Variants in RPIA observed in about 807,000 individuals in gnomAD.
RPIA encodes the protein ribose-5-phosphate isomerase.
In RPIA, 29 loss-of-function variants were observed where a neutral mutation model predicts 37.8. The observed-to-expected ratio is 0.77, with a 90% confidence interval of 0.57 to 1.05. The LOEUF is 1.05. RPIA is among the 50% of genes least tolerant of loss of function. RPIA has a pLI of 0.00. For synonymous variants in RPIA, 167 were observed against 157.0 expected (o/e 1.06, Z -0.48); for missense variants, 385 against 413.6 (o/e 0.93, Z 0.60).
intron 6 of RPIA, among the ~76,000 whole-genome samples, chr2:88,736,114 C>T (rs1673312052): frequency 6.6e-6 from 1 of 152,204 alleles, no homozygotes; most frequent in Non-Finnish European, 1.5e-5. Flanking sequence ...TCAGCATACC[C>T]TGCTTCTTCT....
At chr2:88,732,904 A>G (rs1673263969) in intron 4 of RPIA, among the ~76,000 whole-genome samples, 1 of 152,194 alleles carries the variant, frequency 6.6e-6, no homozygotes, top group South Asian at 2.1e-4. Flanking sequence ...CTTTTGTGCT[A>G]AGTGCTGTAC....
chr2:88,745,570 A>C (rs898568894), intron 8 of RPIA, among the ~76,000 whole-genome samples: 1 of 152,020 alleles, frequency 6.6e-6, no homozygotes, highest in Non-Finnish European at 1.5e-5. Context: ...TTCTTGGCTG[A>C]TAATTAATTT....
At chr2:88,718,488 C>T (rs1673063908) in intron 3 of RPIA, among the ~76,000 whole-genome samples, 1 of 152,148 alleles carries the variant, frequency 6.6e-6, no homozygotes, top group Admixed American at 6.5e-5. Flanking sequence ...AATTCCTTTC[C>T]TCTTGAGGTT....
intron 5 of RPIA, among the ~76,000 whole-genome samples, chr2:88,735,415 A>T (rs1468238483): frequency 6.6e-6 from 1 of 152,120 alleles, no homozygotes; most frequent in African/African-American, 2.4e-5. Flanking sequence ...TCTCAGACAC[A>T]TTTGGATGGA....
chr2:88,694,976 T>A (rs1672709102), intron 1 of RPIA, among the ~76,000 whole-genome samples: 3 of 97,400 alleles, frequency 3.1e-5, no homozygotes, highest in African/African-American at 5.4e-5. Flanking sequence ...TTCAATAAAG[T>A]CTCAAAAAAA....
intron 8 of RPIA, among the ~76,000 whole-genome samples, chr2:88,742,447 A>G (rs186300949): frequency 2.4e-4 from 36 of 152,244 alleles, no homozygotes; most frequent in Non-Finnish European, 4.4e-5. Context: ...TTTGGTGACC[A>G]TGACCTTATA....
At chr2:88,744,776 CTTT>C in intron 8 of RPIA, among the ~76,000 whole-genome samples, 1 of 152,052 alleles carries the variant, frequency 6.6e-6, no homozygotes, top group African/African-American at 2.4e-5. Flanking sequence ...TAACTTGTTG[CTTT>C]AAAGTCTATT....
intron 1 of RPIA, 71 bp downstream of exon 1, chr2:88,692,054 G>A (rs963513757): frequency 6.0e-6 from 9 of 1,504,994 alleles, no homozygotes; most frequent in Non-Finnish European, 8.0e-6. Context: ...CGCGTTGTGG[G>A]TGCTGCCGGG....
chr2:88,747,720 G>A (rs771337904), intron 8 of RPIA, among the ~76,000 whole-genome samples: 3 of 152,134 alleles, frequency 2.0e-5, no homozygotes, highest in South Asian at 2.1e-4. Context: ...GATTAAATCC[G>A]TCTCCTGTGA....
chr2:88,721,541 TTA>T (rs1293280539), intron 3 of RPIA, among the ~76,000 whole-genome samples: 2 of 115,582 alleles, frequency 1.7e-5, no homozygotes, highest in African/African-American at 3.4e-5. Flanking sequence ...TAGATATATA[TTA>T]TACACACACA....
At chr2:88,749,491 A>G (rs896970060) in intron 8 of RPIA, among the ~76,000 whole-genome samples, 5 of 152,196 alleles carry the variant, frequency 3.3e-5, no homozygotes, top group African/African-American at 1.2e-4. Flanking sequence ...TATATTTTTG[A>G]TATGAGTCCT....
chr2:88,698,416 A>G, intron 1 of RPIA, 68 bp from the exon 2 acceptor site: 1 of 1,332,338 alleles, frequency 7.5e-7, no homozygotes, highest in Non-Finnish European at 1.1e-6. Flanking sequence ...AGCTTTAGGA[A>G]GTAGGCTGAC....
At position 88,750,251 on chromosome 2, in the gene RPIA, A is replaced by T; in HGVS notation, c.*173A>T. On this transcript the variant is annotated 3_prime_UTR_variant, in exon 9 of 9. Coordinates refer to ENST00000283646, the MANE Select transcript of RPIA (RefSeq NM_144563.3). ...CCAGTCTTATGAAGTATTGTTATTA[A>T]ATGTCTTTTTAAAAAGAGAAATATA... The T allele has an allele frequency of 1.9e-6, 1 of 528,340 alleles. No individual in the cohort carries two copies. Among genetic ancestry groups the T allele is most frequent in the Non-Finnish European group, 3.4e-6 (1 of 293,588 alleles). 32.7% of individuals were successfully genotyped at this position (528,340 alleles called of 1,614,324 possible).
At chr2:88,728,864 G>A (rs962273208) in intron 3 of RPIA, among the ~76,000 whole-genome samples, 1 of 152,230 alleles carries the variant, frequency 6.6e-6, no homozygotes, top group East Asian at 1.9e-4. Context: ...ACCACTCCGT[G>A]TCCATTCATA....
At chr2:88,703,094 C>T (rs1672850684) in intron 3 of RPIA, among the ~76,000 whole-genome samples, 1 of 152,176 alleles carries the variant, frequency 6.6e-6, no homozygotes, top group African/African-American at 2.4e-5. Context: ...GGTGGGTGCC[C>T]ATGGTCTTGG....
At chr2:88,745,028 G>C (rs1236725168) in intron 8 of RPIA, among the ~76,000 whole-genome samples, 1 of 152,064 alleles carries the variant, frequency 6.6e-6, no homozygotes, top group Admixed American at 6.5e-5. Context: ...CATGTTCTTG[G>C]CTCACTGCAA....
chr2:88,748,662 G>A (rs1558702722), intron 8 of RPIA, among the ~76,000 whole-genome samples: 1 of 152,134 alleles, frequency 6.6e-6, no homozygotes, highest in Non-Finnish European at 1.5e-5. Flanking sequence ...TCCATCATCT[G>A]TATGTGTGTG....
chr2:88,720,011 A>T (rs1444306731), intron 3 of RPIA, among the ~76,000 whole-genome samples: 1 of 152,094 alleles, frequency 6.6e-6, no homozygotes, highest in Admixed American at 6.6e-5. Flanking sequence ...GGCGTTGAGG[A>T]GTTGAATAGC....
Position 88,705,239 on chromosome 2 carries a change from A to C in RPIA, c.402+5175A>C, listed in dbSNP as rs181453406. Among the ~76,000 whole-genome samples, 3 of 152,326 alleles carry C rather than the reference A, an allele frequency of 2.0e-5. No individual in the cohort carries two copies. In the East Asian group the frequency reaches 5.8e-4, roughly 29 times the overall value. On this transcript the variant is annotated intron_variant, in intron 3 of 8. Coordinates refer to ENST00000283646, the MANE Select transcript of RPIA (RefSeq NM_144563.3). ...TACCCTAAAATTCATATGGAACCAA[A>C]AAAGAGCCTGTATGGCCAAGACAAT...
Sources: allele counts gnomAD v4.1 joint callset (sites outside exome capture counted in the v4.1 genomes callset), GRCh38; gene constraint gnomAD v4.1.1; transcripts MANE v1.5; gene names NCBI Gene and HGNC (gene_info 2026-07-23, HGNC 2026-07-21).